Variants in GULP1 observed in about 807,000 individuals in gnomAD.
GULP1 encodes the protein PTB domain-containing engulfment adapter protein 1.
In GULP1, 19 loss-of-function variants were observed where a neutral mutation model predicts 40.9. The observed-to-expected ratio is 0.46, with a 90% CI of 0.32 to 0.68. The LOEUF is 0.68. GULP1 is among the 30% of genes least tolerant of loss of function. The pLI is 0.03. For missense variants in GULP1, 312 were observed against 362.2 expected (o/e 0.86, Z 1.12); for synonymous variants, 119 against 117.6 (o/e 1.01, Z -0.08).
At chr2:188,554,296 G>C (rs189097641) in intron 7 of GULP1, among the ~76,000 whole-genome samples, 84 of 151,790 alleles carry the variant, frequency 5.5e-4, no homozygotes, top group African/African-American at 2.0e-3. Context: ...TGCTATAAAC[G>C]TTCCTCTTAG....
At position 188,447,891 on chromosome 2, in the gene GULP1, G is replaced by T. The variant is rs181539267; in HGVS notation, c.-44-29768G>T. Reference sequence around the variant, plus strand: ...CTTGTTTTCTTATTGATCACTGTACGTTTTTTGAGAGAAAGAATTCAAACT... The same window carrying T: ...CTTGTTTTCTTATTGATCACTGTACTTTTTTTGAGAGAAAGAATTCAAACT... On this transcript the variant is annotated intron_variant, in intron 2 of 11. Coordinates refer to ENST00000409830, the MANE Select transcript of GULP1 (RefSeq NM_016315.4). 4.2e-3 allele frequency among the ~76,000 whole-genome samples: 635 copies of T among 152,188 alleles called. 7 individuals are homozygous for T. Among genetic ancestry groups the T allele is most frequent in the African/African-American group, 0.015 (610 of 41,524 alleles).
intron 5 of GULP1, among the ~76,000 whole-genome samples, chr2:188,526,405 C>CA (rs758967510): frequency 1.6e-3 from 245 of 151,470 alleles, no homozygotes; most frequent in Non-Finnish European, 2.2e-3. Context: ...AAGAAATTTA[C>CA]AAAAAAAGAC....
rs1014842454 is a variant in GULP1 at position 188,454,001 on chromosome 2, T to G, written c.-44-23658T>G. Among the ~76,000 whole-genome samples, 15 of 152,192 alleles carry G rather than the reference T, an allele frequency of 9.9e-5. 1 individual carries two copies. The highest frequency in any genetic ancestry group is 4.4e-5 in the Non-Finnish European group (3 of 68,032). The stretch of plus-strand genomic sequence containing the variant: ...ATGATGCAGGGTTTTTCTCAGCCAC[T>G]TTGCCACCTGGGGACCCGTATGGCT... On this transcript the variant is annotated intron_variant, in intron 2 of 11. Coordinates refer to ENST00000409830, the MANE Select transcript of GULP1 (RefSeq NM_016315.4).
Position 188,584,284 on chromosome 2 carries a change from A to G in GULP1, c.629A>G (p.Lys210Arg). The change falls in exon 10 of 12, where the codon AAG (lysine) becomes AGG (arginine). Residue 210 changes from lysine to arginine, a missense_variant. By Grantham distance (26) the Lys-to-Arg change is conservative. Coordinates refer to ENST00000409830, the MANE Select transcript of GULP1 (RefSeq NM_016315.4). ...SAPPAGSMTP[K>R]SPSTDIFDMI... ...TTGCAGGCAGGCAGTATGACACCTAAGTCGCCCTCCACTGACATCTTTGAT... is the reference window on the plus strand; with the variant it reads ...TTGCAGGCAGGCAGTATGACACCTAGGTCGCCCTCCACTGACATCTTTGAT... The G allele has an allele frequency of 6.2e-7, 1 of 1,608,318 alleles. No homozygotes were observed.
At chr2:188,449,549 C>G (rs1289812055) in intron 2 of GULP1, among the ~76,000 whole-genome samples, 2 of 152,132 alleles carry the variant, frequency 1.3e-5, no homozygotes, top group Non-Finnish European at 2.9e-5. Flanking sequence ...TATCAGGATA[C>G]AGATGGCATG....
intron 1 of GULP1, among the ~76,000 whole-genome samples, chr2:188,334,873 T>C (rs1010784270): frequency 5.9e-5 from 9 of 152,184 alleles, no homozygotes; most frequent in Non-Finnish European, 1.0e-4. Context: ...TTAAAAGGAA[T>C]CTGCTACAAG....
chr2:188,376,810 A>G (rs1220718862), intron 1 of GULP1, among the ~76,000 whole-genome samples: 3 of 152,218 alleles, frequency 2.0e-5, no homozygotes, highest in Admixed American at 1.3e-4. Flanking sequence ...TAACCTGATG[A>G]TGTGCATTAA....
chr2:188,513,724 A>C (rs756266666), intron 4 of GULP1, among the ~76,000 whole-genome samples: 2 of 152,142 alleles, frequency 1.3e-5, no homozygotes, highest in Non-Finnish European at 2.9e-5. Context: ...CAATTGTGCA[A>C]GACACACACT....
intron 1 of GULP1, among the ~76,000 whole-genome samples, chr2:188,315,893 T>C (rs971377175): frequency 3.3e-5 from 5 of 152,068 alleles, no homozygotes; most frequent in Non-Finnish European, 7.4e-5. Flanking sequence ...CTGTGACTGA[T>C]TGAGGGTAAT....
intron 2 of GULP1, among the ~76,000 whole-genome samples, chr2:188,437,037 C>T (rs1454652748): frequency 6.6e-6 from 1 of 152,046 alleles, no homozygotes; most frequent in Non-Finnish European, 1.5e-5. Context: ...TTTACCATAT[C>T]AGTTCTGGTA....
chr2:188,556,187 T>A (rs941638590), intron 7 of GULP1, among the ~76,000 whole-genome samples: 1 of 152,186 alleles, frequency 6.6e-6, no homozygotes, highest in Non-Finnish European at 1.5e-5. Flanking sequence ...TTTCAGTAAT[T>A]TTAAGGTGTC....
At chr2:188,442,464 A>G (rs2058022641) in intron 2 of GULP1, among the ~76,000 whole-genome samples, 1 of 152,216 alleles carries the variant, frequency 6.6e-6, no homozygotes, top group South Asian at 2.1e-4. Context: ...AGGCATTTAG[A>G]TGTTATATTT....
intron 9 of GULP1, among the ~76,000 whole-genome samples, chr2:188,573,932 A>C (rs1699651350): frequency 6.6e-6 from 1 of 152,224 alleles, no homozygotes; most frequent in Non-Finnish European, 1.5e-5. Flanking sequence ...ATTGGAAGCC[A>C]AATTTTTCAA....
At chr2:188,492,395 A>G (rs981606876) in intron 4 of GULP1, among the ~76,000 whole-genome samples, 3 of 152,068 alleles carry the variant, frequency 2.0e-5, no homozygotes, top group Non-Finnish European at 4.4e-5. Context: ...ACAGTATTCC[A>G]GGCATTTCTT....
intron 7 of GULP1, among the ~76,000 whole-genome samples, chr2:188,556,859 T>C (rs1246617562): frequency 6.6e-6 from 1 of 151,902 alleles, no homozygotes; most frequent in African/African-American, 2.4e-5. Context: ...CCGTCTCTAC[T>C]AAAAAAGACA....
chr2:188,434,327 CT>C (rs1232171344), intron 2 of GULP1, among the ~76,000 whole-genome samples: 8 of 146,878 alleles, frequency 5.4e-5, no homozygotes, highest in South Asian at 2.2e-4. Flanking sequence ...GTTTCTTTTT[CT>C]TTTTTTTTTA....
chr2:188,569,609 A>T, intron 8 of GULP1: 1 of 432,572 alleles, frequency 2.3e-6, no homozygotes, highest in South Asian at 2.3e-5. Flanking sequence ...GATGCTTCTC[A>T]TGGGGATCAG....
intron 2 of GULP1, among the ~76,000 whole-genome samples, chr2:188,391,914 A>G (rs1242637935): frequency 6.6e-6 from 1 of 151,766 alleles, no homozygotes; most frequent in Non-Finnish European, 1.5e-5. Flanking sequence ...GTGTTGCATT[A>G]TTGACTTGTG....
chr2:188,406,299 A>G (rs574210832), intron 2 of GULP1, among the ~76,000 whole-genome samples: 1 of 152,224 alleles, frequency 6.6e-6, no homozygotes, highest in Non-Finnish European at 1.5e-5. Flanking sequence ...GTATTTGTGT[A>G]TCTAAATACA....
Sources: gnomAD v4.1 joint callset for allele counts (sites outside exome capture counted in the v4.1 genomes callset) on GRCh38, gnomAD v4.1.1 for gene constraint, MANE v1.5 for transcripts, NCBI Gene and HGNC (gene_info 2026-07-23, HGNC 2026-07-21) for gene names.